The following NRAP variants were observed in gnomAD, a reference collection of about 807,000 sequenced individuals.
NRAP encodes nebulin related anchoring protein.
A neutral mutation model predicts 225.9 loss-of-function variants in NRAP; 189 were observed. The ratio of observed to expected loss-of-function variants is 0.84; its 90% CI spans 0.74 to 0.94. The LOEUF is 0.94. NRAP is among the 40% of genes least tolerant of loss of function. NRAP has a pLI of 0.00. For synonymous variants in NRAP, 769 were observed against 790.7 expected, an observed-to-expected ratio of 0.97 and a Z score of 0.46; for missense variants, 2,176 against 2,168.7, an observed-to-expected ratio of 1.00 and a Z score of -0.07.
intron 18 of NRAP, among the ~76,000 whole-genome samples, chr10:113,631,002 C>T (rs944649458): frequency 6.6e-6 from 1 of 152,110 alleles, no homozygotes; most frequent in Non-Finnish European, 1.5e-5. Flanking sequence ...ACCAAGGTTC[C>T]TCTCCAGCTA....
chr10:113,604,907 T>C lies in NRAP; in HGVS notation c.3929A>G (p.His1310Arg), dbSNP rs775934390. ...TTTCCCTCGCTCCTTCACAAAGTCA[T>C]GTCTGTAGAGAAACTGCAAGAAAGG... ...GDIASDFLYR[H>R]DFVKERGKLI... Residue 1310 changes from histidine to arginine, a missense_variant, in exon 35 of 42, where the codon CAT becomes CGT. Physicochemically the swap from His to Arg is conservative, Grantham distance 29 (BLOSUM62 0). Transcript: ENST00000359988. 11 of 1,612,274 alleles carry C rather than the reference T, an allele frequency of 6.8e-6. No homozygotes were observed. The highest frequency in any genetic ancestry group is 4.5e-5 in the East Asian group (2 of 44,816).
At chr10:113,625,647 C>T (rs925290338) in intron 21 of NRAP, among the ~76,000 whole-genome samples, 1 of 152,134 alleles carries the variant, frequency 6.6e-6, no homozygotes, top group South Asian at 2.1e-4. Context: ...TGTTCTGGCC[C>T]CATAAATACG....
Position 113,589,750 on chromosome 10 carries a change from G to A in NRAP, c.5004C>T (p.Thr1668=), listed in dbSNP as rs768678100. ...DLNLTRGVGW[T]PPGSYKVEMA... ...TTTCCACTTTGTAGGAGCCAGGAGG[G>A]GTCCAGCCAACACCTCTGGTCAGGT... Residue 1668 remains threonine, a synonymous_variant, in exon 41 of 42, where the codon ACC becomes ACT. Coordinates refer to ENST00000359988, the MANE Select transcript of NRAP (RefSeq NM_198060.4). 6.2e-7 allele frequency: 1 copy of A among 1,614,170 alleles called. No homozygotes were observed. Among genetic ancestry groups the A allele is most frequent in the Non-Finnish European group, 8.5e-7 (1 of 1,180,026 alleles).
At chr10:113,663,063 C>T (rs1237184853) in intron 2 of NRAP, among the ~76,000 whole-genome samples, 4 of 152,062 alleles carry the variant, frequency 2.6e-5, no homozygotes, top group Non-Finnish European at 5.9e-5. Context: ...TACTTCAAAG[C>T]TCTATATGCA....
intron 27 of NRAP, 95 bp from the exon 28 acceptor site, chr10:113,615,041 TC>T: frequency 1.4e-6 from 1 of 737,626 alleles, no homozygotes. Context: ...TTGTGGTGGG[TC>T]CCCTCCCTCC....
intron 35 of NRAP, among the ~76,000 whole-genome samples, chr10:113,604,193 A>G (rs189410886): frequency 8.0e-4 from 121 of 152,192 alleles, no homozygotes; most frequent in African/African-American, 2.8e-3. Flanking sequence ...CTCAGCTCAC[A>G]GCAACCTCTG....
At chr10:113,635,601 T>C (rs1487746499) in intron 14 of NRAP, among the ~76,000 whole-genome samples, 3 of 152,174 alleles carry the variant, frequency 2.0e-5, no homozygotes, top group African/African-American at 4.8e-5. Context: ...CTAATTTTTG[T>C]ATTTTTAGTA....
Position 113,621,925 on chromosome 10 carries a change from A to G in NRAP, c.2713T>C (p.Leu905=), listed in dbSNP as rs1332300675. The G allele has an allele frequency of 1.2e-6, 2 of 1,614,066 alleles. No homozygotes were observed. Among genetic ancestry groups the G allele is most frequent in the Non-Finnish European group, 8.5e-7 (1 of 1,179,924 alleles). The change falls in exon 24 of 42, where the codon TTG becomes CTG. Residue 905 remains leucine, a synonymous_variant. Transcript: ENST00000359988. Reference sequence around the variant, plus strand: ...CATTCCACCTTCATGTCTGTGGGCAAAGCCGTAAAGTGATGTTCCGCTGTC... The same window carrying G: ...CATTCCACCTTCATGTCTGTGGGCAGAGCCGTAAAGTGATGTTCCGCTGTC... ...YKTAEHHFTA[L]PTDMKVEWAK...
chr10:113,657,690 T>TCACTGTGCTGCAAGGCA (rs1325610577), intron 3 of NRAP, 116 bp from the exon 4 acceptor site: 5 of 692,924 alleles, frequency 7.2e-6, no homozygotes, highest in Non-Finnish European at 1.0e-5. Context: ...CAAAGCATCT[T>TCACTGTGCTGCAAGGCA]CACTGTGCTG....
intron 27 of NRAP, 151 bp from the exon 28 acceptor site, chr10:113,615,097 A>C: frequency 3.9e-6 from 2 of 517,368 alleles, no homozygotes; most frequent in Admixed American, 2.6e-5. Context: ...AGCTAAACCC[A>C]CGTGAGTTGG....
chr10:113,613,637 A>T (rs1436671078), intron 29 of NRAP, among the ~76,000 whole-genome samples: 3 of 152,094 alleles, frequency 2.0e-5, no homozygotes, highest in Non-Finnish European at 2.9e-5. Context: ...GGGTCATTGC[A>T]AACTCAGACG....
intron 13 of NRAP, 44 bp from the exon 14 acceptor site, chr10:113,640,375 A>G: frequency 8.5e-7 from 1 of 1,169,944 alleles, no homozygotes; most frequent in Non-Finnish European, 1.2e-6. Context: ...ATCAATTTCT[A>G]CTTTCTTTTG....
At chr10:113,601,177 A>AGACTGGGCCG (rs1396108988) in intron 35 of NRAP, among the ~76,000 whole-genome samples, 1 of 152,216 alleles carries the variant, frequency 6.6e-6, no homozygotes, top group East Asian at 1.9e-4. Flanking sequence ...GAGTCAAGCA[A>AGACTGGGCCG]GACTGGGCCG....
Position 113,597,952 on chromosome 10 carries a change from G to C in NRAP, c.4332+17C>G. The C allele has an allele frequency of 1.3e-6, 2 of 1,537,632 alleles. No individual in the cohort carries two copies. The highest frequency in any genetic ancestry group is 1.8e-6 in the Non-Finnish European group (2 of 1,110,320). On this transcript the variant is annotated intron_variant, in intron 36 of 41. Transcript: ENST00000359988. Reference sequence around the variant, plus strand: ...AGCTTGCCCTTGTCACTTGTGGTGGGGACAGGTTGATGGTACCTCGCTGAT... The same window carrying C: ...AGCTTGCCCTTGTCACTTGTGGTGGCGACAGGTTGATGGTACCTCGCTGAT...
At chr10:113,631,996 T>A in intron 16 of NRAP, 32 bp from the exon 17 acceptor site, 1 of 1,319,106 alleles carries the variant, frequency 7.6e-7, no homozygotes, top group African/African-American at 1.4e-5. Context: ...GAATAGGAGT[T>A]GCTACCCATA....
chr10:113,634,978 C>T (rs903320194), intron 14 of NRAP, among the ~76,000 whole-genome samples: 1 of 152,090 alleles, frequency 6.6e-6, no homozygotes, highest in Non-Finnish European at 1.5e-5. Context: ...CCAGAGTCCC[C>T]AAGGAAATTG....
chr10:113,601,342 G>A (rs913342067), intron 35 of NRAP, among the ~76,000 whole-genome samples: 4 of 152,228 alleles, frequency 2.6e-5, no homozygotes, highest in Non-Finnish European at 5.9e-5. Flanking sequence ...CTCCCTTGAC[G>A]TAATGCCTAT....
rs374279670 is a variant in NRAP at position 113,619,970 on chromosome 10, G to A, written c.2874+634C>T. Among the ~76,000 whole-genome samples the A allele has an allele frequency of 3.3e-5, 5 of 152,184 alleles. No individual in the cohort carries two copies. The East Asian group carries it at 5.8e-4, about 18-fold the overall frequency. On this transcript the variant is annotated intron_variant, in intron 25 of 41. Coordinates refer to ENST00000359988, the MANE Select transcript of NRAP (RefSeq NM_198060.4). ...TAGGACGTCCTGCTAAACATCCTGC[G>A]GGGCACAGGATAACCCCACGACAAA...
chr10:113,660,839 C>T (rs1182186111), intron 3 of NRAP, among the ~76,000 whole-genome samples: 1 of 152,128 alleles, frequency 6.6e-6, no homozygotes, highest in Admixed American at 6.6e-5. Context: ...GAAAGAGAGC[C>T]ACTAATAAAT....
Sources: allele counts gnomAD v4.1 joint callset (sites outside exome capture counted in the v4.1 genomes callset), GRCh38; gene constraint gnomAD v4.1.1; transcripts MANE v1.5; gene names NCBI Gene and HGNC (gene_info 2026-07-23, HGNC 2026-07-21).